Variants in RABGAP1L observed in about 807,000 individuals in gnomAD.
RABGAP1L encodes the protein rab GTPase-activating protein 1-like.
In RABGAP1L, 63 loss-of-function variants were observed where a neutral mutation model predicts 137.7. The ratio of observed to expected loss-of-function variants is 0.46; its 90% CI spans 0.37 to 0.56. The LOEUF is 0.56. Among genes scored for constraint, RABGAP1L ranks in the 20% least tolerant of loss-of-function variants. The pLI, the probability that RABGAP1L is intolerant of heterozygous loss-of-function variation, is 0.00. For synonymous variants in RABGAP1L, 431 were observed against 433.7 expected (o/e 0.99, Z 0.08); for missense variants, 1,095 against 1,244.0 (o/e 0.88, Z 1.80).
intron 19 of RABGAP1L, among the ~76,000 whole-genome samples, chr1:174,815,440 T>A (rs1485137752): frequency 6.6e-6 from 1 of 152,246 alleles, no homozygotes; most frequent in Non-Finnish European, 1.5e-5. Context: ...AGTAATCAAG[T>A]TTTAAACATT....
At chr1:174,366,778 GAAAAAAAAAAA>G (rs71117562) in intron 11 of RABGAP1L, among the ~76,000 whole-genome samples, 17 of 94,830 alleles carry the variant, frequency 1.8e-4, no homozygotes, top group Admixed American at 7.6e-4. Flanking sequence ...CCGTCTCCAG[GAAAAAAAAAAA>G]AAAAAAAAAA....
At chr1:174,730,727 G>T (rs992396237) in intron 17 of RABGAP1L, among the ~76,000 whole-genome samples, 1 of 152,142 alleles carries the variant, frequency 6.6e-6, no homozygotes, top group Non-Finnish European at 1.5e-5. Flanking sequence ...TTTAGCCAGA[G>T]AGTCATAGAG....
chr1:174,298,872 G>A (rs928990678), intron 10 of RABGAP1L, among the ~76,000 whole-genome samples: 2 of 152,190 alleles, frequency 1.3e-5, no homozygotes, highest in Non-Finnish European at 2.9e-5. Context: ...ATCCAGACTT[G>A]TACATTACCC....
chr1:174,452,156 C>T (rs1655521507), intron 13 of RABGAP1L, among the ~76,000 whole-genome samples: 1 of 152,074 alleles, frequency 6.6e-6, no homozygotes, highest in Non-Finnish European at 1.5e-5. Flanking sequence ...GAAGCATAAC[C>T]ATTTTTCTCA....
intron 13 of RABGAP1L, among the ~76,000 whole-genome samples, chr1:174,517,389 C>G (rs937499834): frequency 2.0e-5 from 3 of 152,048 alleles, no homozygotes; most frequent in Non-Finnish European, 4.4e-5. Flanking sequence ...TTAAAAGACT[C>G]CATCTTTAAG....
At chr1:174,882,297 T>C (rs1654364607) in intron 19 of RABGAP1L, among the ~76,000 whole-genome samples, 4 of 152,224 alleles carry the variant, frequency 2.6e-5, no homozygotes, top group Admixed American at 2.6e-4. Context: ...ATGGGAGGTG[T>C]TTTGATTCCT....
At chr1:174,509,292 A>G (rs1662117319) in intron 13 of RABGAP1L, among the ~76,000 whole-genome samples, 1 of 152,204 alleles carries the variant, frequency 6.6e-6, no homozygotes, top group African/African-American at 2.4e-5. Context: ...AGGGAAATGC[A>G]TGTTATCTAG....
At chr1:174,901,841 C>T (rs1658183350) in intron 19 of RABGAP1L, among the ~76,000 whole-genome samples, 1 of 152,060 alleles carries the variant, frequency 6.6e-6, no homozygotes, top group African/African-American at 2.4e-5. Context: ...AGGTTGCTGA[C>T]CTTTGAGTGA....
Position 174,698,880 on chromosome 1 carries a change from A to G in RABGAP1L, c.1900-645A>G, listed in dbSNP as rs193050024. ...ACAGGAGAAATTATTTAGAGTAGAT[A>G]TGAGGCTATGCAAAAGAGGTTGGGG... On this transcript the variant is annotated intron_variant, in intron 15 of 25. Transcript: ENST00000681986. 2.8e-3 allele frequency among the ~76,000 whole-genome samples: 419 copies of G among 152,316 alleles called. 1 individual carries two copies. Among genetic ancestry groups the G allele is most frequent in the Non-Finnish European group, 4.5e-3 (309 of 68,012 alleles).
At chr1:174,961,691 T>C (rs559679867) in intron 20 of RABGAP1L, among the ~76,000 whole-genome samples, 7 of 147,320 alleles carry the variant, frequency 4.8e-5, no homozygotes, top group Non-Finnish European at 9.0e-5. Context: ...CTAAAAAATA[T>C]AAAAATTAGC....
chr1:174,539,106 T>G (rs1175206557), intron 13 of RABGAP1L, among the ~76,000 whole-genome samples: 2 of 152,090 alleles, frequency 1.3e-5, no homozygotes, highest in Non-Finnish European at 2.9e-5. Flanking sequence ...TACAGTATAG[T>G]TTTCAAGAAT....
chr1:174,590,204 T>C (rs1669478862), intron 13 of RABGAP1L, among the ~76,000 whole-genome samples: 1 of 147,456 alleles, frequency 6.8e-6, no homozygotes, highest in Non-Finnish European at 1.5e-5. Context: ...CAGGTGTTCC[T>C]TTACAGCAAT....
At chr1:174,810,577 G>A (rs914666420) in intron 18 of RABGAP1L, among the ~76,000 whole-genome samples, 8 of 152,094 alleles carry the variant, frequency 5.3e-5, no homozygotes, top group Non-Finnish European at 1.0e-4. Flanking sequence ...TTTTGACACA[G>A]CATGTAGTTA....
intron 14 of RABGAP1L, among the ~76,000 whole-genome samples, chr1:174,675,608 T>C (rs377162524): frequency 8.5e-5 from 13 of 152,198 alleles, no homozygotes; most frequent in South Asian, 6.2e-4. Context: ...TAAAGTAGTT[T>C]TTTCCAATTC....
chr1:174,368,483 C>T (rs563362208), intron 11 of RABGAP1L, among the ~76,000 whole-genome samples: 15 of 151,970 alleles, frequency 9.9e-5, no homozygotes, highest in Non-Finnish European at 2.1e-4. Flanking sequence ...AATTTTTATA[C>T]TCTCTGTCAA....
chr1:174,734,229 C>T (rs1308379698), intron 17 of RABGAP1L, among the ~76,000 whole-genome samples: 3 of 151,962 alleles, frequency 2.0e-5, no homozygotes, highest in South Asian at 2.1e-4. Flanking sequence ...GAGGCTAAAA[C>T]GTTGATTTGG....
chr1:174,886,968 A>T (rs1655265584), intron 19 of RABGAP1L, among the ~76,000 whole-genome samples: 1 of 152,024 alleles, frequency 6.6e-6, no homozygotes, highest in Non-Finnish European at 1.5e-5. Flanking sequence ...CACCACGCCC[A>T]GCTAATTTTT....
At chr1:174,433,208 G>C (rs969492637) in intron 13 of RABGAP1L, among the ~76,000 whole-genome samples, 1 of 152,122 alleles carries the variant, frequency 6.6e-6, no homozygotes, top group Non-Finnish European at 1.5e-5. Context: ...ACCCAAATCT[G>C]TCTGACTATA....
chr1:174,812,080 A>G (rs1203190490), intron 19 of RABGAP1L, 120 bp downstream of exon 19: 5 of 935,432 alleles, frequency 5.3e-6, no homozygotes, highest in Non-Finnish European at 4.4e-6. Flanking sequence ...TAGATTGTGT[A>G]TGAACTGATT....
Sources: gnomAD v4.1 joint callset for allele counts (sites outside exome capture counted in the v4.1 genomes callset) on GRCh38, gnomAD v4.1.1 for gene constraint, MANE v1.5 for transcripts, NCBI Gene and HGNC (gene_info 2026-07-23, HGNC 2026-07-21) for gene names.